The following SETD2 variants were observed in gnomAD, a reference collection of about 807,000 sequenced individuals.
The protein encoded by SETD2 is SET domain containing 2, histone lysine methyltransferase, also known as histone-lysine N-methyltransferase SETD2.
A neutral mutation model predicts 242.1 loss-of-function variants in SETD2; 31 were observed. The ratio of observed to expected loss-of-function variants is 0.13; its 90% confidence interval spans 0.10 to 0.17. The LOEUF (loss-of-function observed/expected upper bound fraction) is 0.17. Among genes scored for constraint, SETD2 ranks in the 10% least tolerant of loss-of-function variants. The pLI is 1.00. For synonymous variants in SETD2, 1,006 were observed against 1,066.5 expected (o/e 0.94, Z 1.11); for missense variants, 2,481 against 3,046.3 (o/e 0.81, Z 4.37).
At chr3:47,136,645 C>A (rs1255700642) in intron 1 of SETD2, among the ~76,000 whole-genome samples, 1 of 152,036 alleles carries the variant, frequency 6.6e-6, no homozygotes, top group East Asian at 1.9e-4. Flanking sequence ...AAAGATAGGG[C>A]AGTGGGTTGA....
At chr3:47,091,991 T>C (rs1219652640) in intron 9 of SETD2, among the ~76,000 whole-genome samples, 2 of 152,098 alleles carry the variant, frequency 1.3e-5, no homozygotes, top group African/African-American at 4.8e-5. Flanking sequence ...AAATTAGGCA[T>C]GTTATGACTG....
chr3:47,084,879 C>A (rs1396013744), intron 11 of SETD2, among the ~76,000 whole-genome samples: 1 of 151,074 alleles, frequency 6.6e-6, no homozygotes, highest in South Asian at 2.1e-4. Flanking sequence ...TACAGGGATG[C>A]ACCACCATGC....
intron 18 of SETD2, chr3:47,028,958 C>A: frequency 5.0e-6 from 1 of 200,766 alleles, no homozygotes; most frequent in South Asian, 8.3e-5. Flanking sequence ...AGACAGCCAA[C>A]ACTTCCAAGT....
In SETD2 at chr3:47,120,871, G is replaced by A. The variant is rs2107746911; in HGVS notation, c.3765C>T (p.Leu1255=). 2.5e-6 allele frequency: 4 copies of A among 1,614,218 alleles called. No individual in the cohort carries two copies. Among genetic ancestry groups the A allele is most frequent in the South Asian group, 1.1e-5 (1 of 91,084 alleles). Residue 1255 remains leucine, a synonymous_variant, in exon 3 of 21, where the codon CTC becomes CTT. Coordinates refer to ENST00000409792, the MANE Select transcript of SETD2 (RefSeq NM_014159.7). The stretch of plus-strand genomic sequence containing the variant: ...GAGAGAAGTCCCAACCTAAGTTTCT[G>A]AGCTCTTCTGATGAGTGCAAGCCAT... ...HVDGLHSSEE[L]RNLGWDFSQE...
intron 13 of SETD2, 42 bp from the exon 14 acceptor site, chr3:47,062,388 GT>G: frequency 1.5e-6 from 2 of 1,378,630 alleles, no homozygotes; most frequent in Non-Finnish European, 2.0e-6. Context: ...TTTTTTTTAA[GT>G]TTATTTGGTG....
At chr3:47,154,317 G>A (rs1025137357) in intron 1 of SETD2, among the ~76,000 whole-genome samples, 3 of 152,058 alleles carry the variant, frequency 2.0e-5, no homozygotes, top group African/African-American at 7.2e-5. Flanking sequence ...GCTGAGGCAG[G>A]AGAATCGCTT....
chr3:47,045,290 C>T (rs915962811), intron 16 of SETD2, among the ~76,000 whole-genome samples: 10 of 152,012 alleles, frequency 6.6e-5, no homozygotes, highest in Non-Finnish European at 1.2e-4. Flanking sequence ...GAGGCCAAGG[C>T]GGGTAGATCA....
Position 47,084,229 on chromosome 3 carries a change from C to T in SETD2, c.5551G>A (p.Ala1851Thr). 6.2e-7 allele frequency: 1 copy of T among 1,614,054 alleles called. No homozygotes were observed. The highest frequency in any genetic ancestry group is 8.5e-7 in the Non-Finnish European group (1 of 1,180,010). The change falls in exon 12 of 21, where the codon GCT (alanine) becomes ACT (threonine). Residue 1851 changes from alanine (A) to threonine (T), a missense_variant. Physicochemically the swap from Ala to Thr is moderately conservative, Grantham distance 58. This residue lies in a region of SETD2 where 203 missense variants were observed against 222.4 expected (regional missense o/e 0.91). Coordinates refer to ENST00000409792, the MANE Select transcript of SETD2 (RefSeq NM_014159.7). ...TCAGGTGTGTTGAGTGGTGTATGAG[C>T]ACGCGATGTATTCTCACTAGAATAC... ...DGYSSENTSR[A>T]HTPLNTPDPS...
At chr3:47,111,820 C>T (rs146131172) in intron 5 of SETD2, among the ~76,000 whole-genome samples, 100 of 150,868 alleles carry the variant, frequency 6.6e-4, no homozygotes, top group South Asian at 2.7e-3. Context: ...TAAATTATTG[C>T]CAAGGGGAAA....
At chr3:47,109,049 C>T (rs2042550234) in intron 5 of SETD2, among the ~76,000 whole-genome samples, 2 of 152,116 alleles carry the variant, frequency 1.3e-5, no homozygotes, top group African/African-American at 4.8e-5. Flanking sequence ...AGGGTCACTT[C>T]ATTGAACTCC....
intron 14 of SETD2, among the ~76,000 whole-genome samples, chr3:47,060,161 GT>G (rs1196559648): frequency 6.6e-6 from 1 of 152,192 alleles, no homozygotes. Context: ...GGGTGCTGAA[GT>G]GGGAGGACTG....
intron 1 of SETD2, among the ~76,000 whole-genome samples, chr3:47,131,760 T>C (rs2043481571): frequency 6.6e-6 from 1 of 151,566 alleles, no homozygotes; most frequent in African/African-American, 2.4e-5. Context: ...TAAGTTTGCA[T>C]ATTCTTTTTT....
intron 18 of SETD2, among the ~76,000 whole-genome samples, chr3:47,034,441 CT>C (rs1251370736): frequency 6.6e-6 from 1 of 152,010 alleles, no homozygotes; most frequent in Non-Finnish European, 1.5e-5. Context: ...CTTTTCCTTC[CT>C]AGGATAGACT....
intron 19 of SETD2, among the ~76,000 whole-genome samples, chr3:47,019,558 G>A (rs573715808): frequency 4.1e-4 from 63 of 152,328 alleles, no homozygotes; most frequent in Non-Finnish European, 7.2e-4. Context: ...TGGTCTGAGA[G>A]GGGCTCCTGT....
At chr3:47,053,587 C>G (rs2039940037) in intron 15 of SETD2, among the ~76,000 whole-genome samples, 1 of 151,994 alleles carries the variant, frequency 6.6e-6, no homozygotes, top group Non-Finnish European at 1.5e-5. Context: ...CACATTTGCT[C>G]CAAATATTAA....
rs1441595298 is a variant in SETD2, at chr3:47,121,850, A to G, written c.2786T>C (p.Ile929Thr). ...AGGAAGGTCACTACCTACTTCTACT[A>G]TTGTTTCTTTCCCTGCATGCTTTAA... ...EFLKHAGKET[I>T]VEVGSDLPDS... Residue 929 changes from isoleucine to threonine, a missense_variant, in exon 3 of 21, where the codon ATA (isoleucine) becomes ACA (threonine). Ile to Thr is a moderately conservative substitution (Grantham distance 89). Around this residue, in one of 17 missense-constraint regions of SETD2, gnomAD observed 1,300 missense variants for 1,259.2 expected, o/e 1.03. Coordinates refer to ENST00000409792, the MANE Select transcript of SETD2 (RefSeq NM_014159.7). The G allele has an allele frequency of 2.5e-6, 4 of 1,613,914 alleles. No homozygotes were observed. The highest frequency in any genetic ancestry group is 1.3e-5 in the African/African-American group (1 of 74,964).
intron 18 of SETD2, among the ~76,000 whole-genome samples, chr3:47,021,392 A>G (rs2038213690): frequency 6.6e-6 from 1 of 152,180 alleles, no homozygotes; most frequent in Admixed American, 6.5e-5. Context: ...TTCACTCTGG[A>G]TAGGGTATGC....
intron 12 of SETD2, among the ~76,000 whole-genome samples, chr3:47,068,320 C>T (rs1476233699): frequency 6.6e-6 from 1 of 151,984 alleles, no homozygotes; most frequent in Non-Finnish European, 1.5e-5. Context: ...ATTCAGTTGC[C>T]ATTAAAAAGG....
intron 1 of SETD2, among the ~76,000 whole-genome samples, chr3:47,147,017 TTTTG>T (rs1488829919): frequency 6.6e-6 from 1 of 152,092 alleles, no homozygotes; most frequent in Non-Finnish European, 1.5e-5. Flanking sequence ...ACATATTTGT[TTTTG>T]TTTGTTTGAG....
Sources: allele counts gnomAD v4.1 joint callset (sites outside exome capture counted in the v4.1 genomes callset), GRCh38; gene constraint gnomAD v4.1.1; regional missense constraint gnomAD v4.1.1; transcripts MANE v1.5; gene names NCBI Gene and HGNC (gene_info 2026-07-23, HGNC 2026-07-21).